Variants in ACTN1 observed in about 807,000 individuals in gnomAD.
The protein encoded by ACTN1 is alpha-actinin-1.
In ACTN1, 30 loss-of-function variants were observed where a neutral mutation model predicts 119.6. The ratio of observed to expected loss-of-function variants is 0.25; its 90% CI spans 0.19 to 0.34. The LOEUF is 0.34. Among genes scored for constraint, ACTN1 ranks in the 10% least tolerant of loss-of-function variants. The probability of loss-of-function intolerance (pLI) is 1.00; values close to 1 mark genes in which losing one functional copy is unlikely to be tolerated. For missense variants in ACTN1, 764 were observed against 1,223.4 expected (o/e 0.62, Z 5.60); for synonymous variants, 429 against 472.6 (o/e 0.91, Z 1.20).
At chr14:68,898,008 T>C (rs891486786) in intron 8 of ACTN1, among the ~76,000 whole-genome samples, 3 of 152,262 alleles carry the variant, frequency 2.0e-5, no homozygotes, top group Non-Finnish European at 4.4e-5. Flanking sequence ...ACAGACCTCA[T>C]GTTCAAGTTT....
chr14:68,895,923 G>A (rs1052316766), intron 8 of ACTN1, among the ~76,000 whole-genome samples: 13 of 152,154 alleles, frequency 8.5e-5, no homozygotes, highest in Non-Finnish European at 4.4e-5. Flanking sequence ...GATTCCGGGT[G>A]GGCCTCCTGG....
At chr14:68,978,907 G>GGGGCTGA in intron 1 of ACTN1, 45 bp downstream of exon 1, 1 of 1,354,504 alleles carries the variant, frequency 7.4e-7, no homozygotes, top group Non-Finnish European at 1.0e-6. Context: ...GTCGGGGCTG[G>GGGGCTGA]GGGCTGGGGG....
At chr14:68,955,309 C>T (rs2036318075) in intron 1 of ACTN1, among the ~76,000 whole-genome samples, 1 of 152,226 alleles carries the variant, frequency 6.6e-6, no homozygotes, top group African/African-American at 2.4e-5. Flanking sequence ...CTGTCTGAGT[C>T]TATCCCAGCA....
intron 3 of ACTN1, 51 bp downstream of exon 3, chr14:68,920,954 CA>C: frequency 6.2e-7 from 1 of 1,604,916 alleles, no homozygotes; most frequent in Non-Finnish European, 8.5e-7. Context: ...CCAAGAGAAC[CA>C]GGGGGACAAA....
chr14:68,941,337 G>A (rs1037783588), intron 1 of ACTN1, among the ~76,000 whole-genome samples: 7 of 152,314 alleles, frequency 4.6e-5, no homozygotes, highest in East Asian at 3.9e-4. Flanking sequence ...GGGCCCCACC[G>A]CCAGTTTCTG....
At chr14:68,947,791 A>G (rs889444430) in intron 1 of ACTN1, among the ~76,000 whole-genome samples, 1 of 152,228 alleles carries the variant, frequency 6.6e-6, no homozygotes, top group Admixed American at 6.5e-5. Flanking sequence ...TAAAAAGGGA[A>G]GTAGGACCCA....
intron 1 of ACTN1, among the ~76,000 whole-genome samples, chr14:68,965,545 C>T (rs934492112): frequency 1.3e-5 from 2 of 152,196 alleles, no homozygotes; most frequent in East Asian, 3.9e-4. Context: ...CCTCCAGCAT[C>T]CCCACCCCCA....
chr14:68,917,650 C>T (rs1045557678), intron 3 of ACTN1, among the ~76,000 whole-genome samples: 10 of 152,320 alleles, frequency 6.6e-5, no homozygotes, highest in Middle Eastern at 3.4e-3. Context: ...CTCAGCAGAG[C>T]GGCCATTGTG....
chr14:68,888,643 G>C (rs974789307), intron 11 of ACTN1, among the ~76,000 whole-genome samples: 9 of 152,158 alleles, frequency 5.9e-5, no homozygotes, highest in African/African-American at 2.2e-4. Context: ...TGGCCTGTTA[G>C]GAACTGGGCT....
chr14:68,970,653 A>C (rs1484849272), intron 1 of ACTN1, among the ~76,000 whole-genome samples: 1 of 152,236 alleles, frequency 6.6e-6, no homozygotes, highest in Non-Finnish European at 1.5e-5. Flanking sequence ...TCAGCACCAG[A>C]AGAGGCCACC....
intron 11 of ACTN1, 151 bp downstream of exon 11, chr14:68,889,988 A>G (rs1424292367): frequency 1.7e-6 from 2 of 1,163,088 alleles, no homozygotes; most frequent in Admixed American, 2.8e-5. Flanking sequence ...TGAGGCGACC[A>G]GAAGGCTAAT....
At chr14:68,915,271 T>TCTCCTC (rs932870608) in intron 3 of ACTN1, among the ~76,000 whole-genome samples, 1 of 144,764 alleles carries the variant, frequency 6.9e-6, no homozygotes, top group African/African-American at 2.6e-5. Flanking sequence ...TTCCCCTCCT[T>TCTCCTC]CTCCTCCTCC....
intron 1 of ACTN1, among the ~76,000 whole-genome samples, chr14:68,970,147 C>G (rs1366061672): frequency 6.6e-6 from 1 of 152,132 alleles, no homozygotes; most frequent in Admixed American, 6.5e-5. Flanking sequence ...GATCACCCAC[C>G]ACCAAGAAAC....
At chr14:68,971,588 A>T (rs1233370499) in intron 1 of ACTN1, among the ~76,000 whole-genome samples, 2 of 152,154 alleles carry the variant, frequency 1.3e-5, no homozygotes, top group Non-Finnish European at 2.9e-5. Flanking sequence ...TAAACTCAGG[A>T]TCTTCATCTA....
At chr14:68,912,089 T>C in intron 4 of ACTN1, 67 bp downstream of exon 4, 2 of 1,492,012 alleles carry the variant, frequency 1.3e-6, no homozygotes, top group South Asian at 1.1e-5. Flanking sequence ...GTATGGGAGT[T>C]CTCCAGGCTA....
At position 68,882,444 on chromosome 14, in the gene ACTN1, A is replaced by C. The variant is rs894718335; in HGVS notation, c.1953+14T>G. ...GGTGGGAGCCCCAGCACTGCTTCCCAGCATGGGACCCACCTCCATCTTGGT... is the reference window on the plus strand; with the variant it reads ...GGTGGGAGCCCCAGCACTGCTTCCCCGCATGGGACCCACCTCCATCTTGGT... On this transcript the variant is annotated intron_variant, in intron 16 of 21. Coordinates refer to ENST00000394419, the MANE Select transcript of ACTN1 (RefSeq NM_001130004.2). The surrounding 1 kb of genome is among the most constrained non-coding windows in gnomAD (Gnocchi z 4.5). The C allele has an allele frequency of 1.2e-6, 2 of 1,613,302 alleles. No homozygotes were observed. Among genetic ancestry groups the C allele is most frequent in the African/African-American group, 2.7e-5 (2 of 74,898 alleles).
chr14:68,906,063 C>T (rs1215038398), intron 6 of ACTN1, among the ~76,000 whole-genome samples: 3 of 149,992 alleles, frequency 2.0e-5, no homozygotes, highest in Admixed American at 6.6e-5. Flanking sequence ...TGGTAGCAGC[C>T]AGAGGCCGGG....
Position 68,979,140 on chromosome 14 carries a change from T to C in ACTN1, c.-84A>G. 1 of 679,820 alleles carries C rather than the reference T, an allele frequency of 1.5e-6. No homozygotes were observed. The highest frequency in any genetic ancestry group is 2.3e-6 in the Non-Finnish European group (1 of 442,030). 42.1% of individuals were successfully genotyped at this position (679,820 alleles called of 1,614,324 possible). A position where few individuals can be genotyped will look rare whatever the true frequency, so the allele number is the denominator to read the frequency against. ...CTGCTGCCCTGGCGTGGGGAGGGAGTAGGGCTGGGCTGGGCTGGGCTGGCG... is the reference window on the plus strand; with the variant it reads ...CTGCTGCCCTGGCGTGGGGAGGGAGCAGGGCTGGGCTGGGCTGGGCTGGCG... On this transcript the variant is annotated 5_prime_UTR_variant, in exon 1 of 22. Transcript: ENST00000394419.
In ACTN1 at chr14:68,921,022, C is replaced by T. The variant is rs145330265; in HGVS notation, c.324G>A (p.Val108=). ...AGGCCTTACCTTCGGCTCCGATGGA[C>T]ACCAGTTTGACGCCTTTGCTGGCTA... ...DFIASKGVKL[V]SIGAEEIVDG... The change falls in exon 3 of 22, where the codon GTG becomes GTA. Residue 108 remains valine, a synonymous_variant. Transcript: ENST00000394419. 1.4e-4 allele frequency: 233 copies of T among 1,614,160 alleles called. No homozygotes were observed. In the East Asian group the frequency reaches 3.7e-3, roughly 25 times the overall value.
Sources: gnomAD v4.1 joint callset for allele counts (sites outside exome capture counted in the v4.1 genomes callset) on GRCh38, gnomAD v4.1.1 for gene constraint, Gnocchi (gnomAD v3.1) non-coding constraint, MANE v1.5 for transcripts, NCBI Gene and HGNC (gene_info 2026-07-23, HGNC 2026-07-21) for gene names.